The following DNAH3 variants were observed in gnomAD, a reference collection of about 807,000 sequenced individuals.
DNAH3 encodes the protein axonemal beta dynein heavy chain 3.
In DNAH3, 332 loss-of-function variants were observed where a neutral mutation model predicts 432.5. That is an observed-to-expected ratio of 0.77 (90% CI 0.70 to 0.84). DNAH3 has a LOEUF of 0.84. DNAH3 is among the 40% of genes least tolerant of loss of function. The pLI, the probability that DNAH3 is intolerant of heterozygous loss-of-function variation, is 0.00. For synonymous variants in DNAH3, 1,956 were observed against 1,900.2 expected (o/e 1.03, Z -0.76); for missense variants, 4,861 against 5,114.0 (o/e 0.95, Z 1.51).
At chr16:20,964,505 T>C in exon 53 of DNAH3, 3 of 1,614,196 alleles carry the variant, frequency 1.9e-6, no homozygotes, top group Non-Finnish European at 2.5e-6. Flanking sequence ...ATGTTTTCAA[T>C]CAAGACAGGG....
intron 8 of DNAH3, among the ~76,000 whole-genome samples, chr16:21,126,353 A>G (rs1023250183): frequency 6.6e-6 from 1 of 152,170 alleles, no homozygotes; most frequent in African/African-American, 2.4e-5. Flanking sequence ...GGTTGTAGTC[A>G]TAGAGGTATG....
At chr16:20,963,669 G>A (rs761977446) in exon 53 of DNAH3, 14 of 1,614,032 alleles carry the variant, frequency 8.7e-6, no homozygotes, top group African/African-American at 1.3e-5. Context: ...TGGGGTAGGG[G>A]TTATCCAGTG....
intron 50 of DNAH3, among the ~76,000 whole-genome samples, chr16:20,976,244 C>T (rs1371373074): frequency 6.6e-6 from 1 of 151,704 alleles, no homozygotes; most frequent in Admixed American, 6.6e-5. Flanking sequence ...ATCACCCAGG[C>T]TGTAGTGGTG....
intron 57 of DNAH3, among the ~76,000 whole-genome samples, chr16:20,947,976 A>G (rs2084126605): frequency 1.3e-5 from 2 of 152,050 alleles, no homozygotes; most frequent in African/African-American, 2.4e-5. Flanking sequence ...GGGTTTCACC[A>G]TGTTGGTCAG....
At chr16:20,966,014 ATTTTTTTTTTTTTTTTTTTTTTTTTTTT>A (rs555983378) in intron 52 of DNAH3, among the ~76,000 whole-genome samples, 1 of 48,362 alleles carries the variant, frequency 2.1e-5, no homozygotes, top group African/African-American at 8.2e-5. Context: ...TGCCCAGCCA[ATTTTTTTTTTTTTTTTTTTTTTTTTTTT>A]TTTTTTTTTT....
chr16:21,149,764 T>C (rs1014320879), intron 1 of DNAH3, among the ~76,000 whole-genome samples: 2 of 152,178 alleles, frequency 1.3e-5, no homozygotes, highest in African/African-American at 4.8e-5. Context: ...AACGGGTGTC[T>C]ATTCCCGGAT....
intron 61 of DNAH3, among the ~76,000 whole-genome samples, chr16:20,934,480 A>G (rs1191606163): frequency 6.6e-6 from 1 of 152,180 alleles, no homozygotes; most frequent in African/African-American, 2.4e-5. Context: ...TATAGTGGGC[A>G]GGAATCATCT....
chr16:20,947,094 G>T (rs2084082800), intron 57 of DNAH3, among the ~76,000 whole-genome samples: 1 of 151,792 alleles, frequency 6.6e-6, no homozygotes, highest in Non-Finnish European at 1.5e-5. Context: ...CAAAGTGCTG[G>T]GATTACAGGC....
At chr16:21,058,319 C>T (rs970403982) in intron 26 of DNAH3, 123 bp from the exon 27 acceptor site, 25 of 555,296 alleles carry the variant, frequency 4.5e-5, no homozygotes, top group Admixed American at 3.2e-4. Context: ...CATCCTCAGA[C>T]GCTACAAGGC....
At chr16:21,109,736 T>C (rs913324479) in intron 14 of DNAH3, among the ~76,000 whole-genome samples, 1 of 147,900 alleles carries the variant, frequency 6.8e-6, no homozygotes. Flanking sequence ...ACCTCTCTCT[T>C]TTTTTTTTTT....
intron 12 of DNAH3, 49 bp downstream of exon 12, chr16:21,117,154 A>G: frequency 7.5e-7 from 1 of 1,335,252 alleles, no homozygotes; most frequent in African/African-American, 1.5e-5. Flanking sequence ...AAGAACACCA[A>G]ATCAATCCCA....
In DNAH3 at chr16:21,062,717, C is replaced by T. The variant is rs377741505; in HGVS notation, c.3519-34G>A. 4,008 of 1,575,250 alleles carry T rather than the reference C, an allele frequency of 2.5e-3. 117 individuals carry two copies. In the South Asian group the frequency reaches 0.043, roughly 17 times the overall value. On this transcript the variant is annotated intron_variant, in intron 24 of 61. Transcript: ENST00000261383. ...AAGCAAAGAAAGATGGTAACTGGAA[C>T]CTCTTCCAAGAACTTTTTCTAGCAA...
intron 19 of DNAH3, among the ~76,000 whole-genome samples, chr16:21,082,692 G>A (rs918645320): frequency 1.3e-4 from 20 of 151,826 alleles, no homozygotes; most frequent in Non-Finnish European, 2.6e-4. Context: ...AGCTGGGCAC[G>A]GTGGCAGGTG....
intron 3 of DNAH3, among the ~76,000 whole-genome samples, chr16:21,143,141 T>C (rs539676467): frequency 1.3e-5 from 2 of 152,246 alleles, no homozygotes; most frequent in South Asian, 4.1e-4. Context: ...CAATGAAACC[T>C]GGGAAGCAAT....
intron 43 of DNAH3, among the ~76,000 whole-genome samples, chr16:20,999,614 T>C (rs1282357896): frequency 6.6e-6 from 1 of 152,198 alleles, no homozygotes; most frequent in Non-Finnish European, 1.5e-5. Context: ...CTCCAGAATG[T>C]TCTAGATATT....
chr16:21,000,544 C>G, intron 42 of DNAH3, 26 bp from the exon 43 acceptor site: 1 of 1,563,956 alleles, frequency 6.4e-7, no homozygotes, highest in Non-Finnish European at 8.7e-7. Context: ...ATGGGAGAGT[C>G]TCGGTTGTGG....
At chr16:20,974,062 C>T (rs2085465417) in intron 51 of DNAH3, among the ~76,000 whole-genome samples, 1 of 152,126 alleles carries the variant, frequency 6.6e-6, no homozygotes, top group Non-Finnish European at 1.5e-5. Flanking sequence ...TGCTCTGTCA[C>T]CCAGGCTGGA....
intron 38 of DNAH3, 145 bp downstream of exon 38, chr16:21,026,881 TA>T: frequency 1.7e-6 from 1 of 591,310 alleles, no homozygotes; most frequent in Non-Finnish European, 3.0e-6. Flanking sequence ...CCCTGGAACC[TA>T]AAATAAAAAT....
At chr16:20,959,771 T>C (rs796972091) in intron 53 of DNAH3, among the ~76,000 whole-genome samples, 2 of 152,290 alleles carry the variant, frequency 1.3e-5, no homozygotes, top group African/African-American at 4.8e-5. Flanking sequence ...TCAGATCAGA[T>C]GGCAGATGAA....
Sources: gnomAD v4.1 joint callset for allele counts (sites outside exome capture counted in the v4.1 genomes callset) on GRCh38, gnomAD v4.1.1 for gene constraint, MANE v1.5 for transcripts, NCBI Gene and HGNC (gene_info 2026-07-23, HGNC 2026-07-21) for gene names.